SRD5A2: variants seen among roughly 807,000 people sequenced by gnomAD.
SRD5A2 encodes the protein 3-oxo-5-alpha-steroid 4-dehydrogenase 2.
A neutral mutation model predicts 27.4 loss-of-function variants in SRD5A2; 30 were observed. The ratio of observed to expected loss-of-function variants is 1.10; its 90% CI spans 0.82 to 1.49. SRD5A2 has a LOEUF of 1.49. Ranked by LOEUF, SRD5A2 falls within the 40% of genes most tolerant of loss-of-function variation. SRD5A2 has a pLI of 0.00. For missense variants in SRD5A2, 348 were observed against 323.4 expected, an observed-to-expected ratio of 1.08 and a Z score of -0.58; for synonymous variants, 141 against 133.6, an observed-to-expected ratio of 1.06 and a Z score of -0.38.
At chr2:31,646,997 T>C in the SRD5A2 span, among the ~76,000 whole-genome samples, 1 of 151,858 alleles carries the variant, frequency 6.6e-6, no homozygotes, top group Non-Finnish European at 1.5e-5. Flanking sequence ...ATACAAAAAT[T>C]AGTGAGACGT....
upstream of SRD5A2, among the ~76,000 whole-genome samples, chr2:31,585,680 G>A (rs1286501489): frequency 6.6e-6 from 1 of 152,172 alleles, no homozygotes; most frequent in African/African-American, 2.4e-5. Flanking sequence ...AAGGGCCTTG[G>A]GTGAGCCTCT....
chr2:31,580,973 C>G, upstream of SRD5A2: 1 of 1,467,774 alleles, frequency 6.8e-7, no homozygotes, highest in Non-Finnish European at 9.1e-7. Flanking sequence ...CTTTATGGAG[C>G]GCCAGACGCC....
At chr2:31,528,550 T>C (rs1665830240) in intron 4 of SRD5A2, among the ~76,000 whole-genome samples, 1 of 152,120 alleles carries the variant, frequency 6.6e-6, no homozygotes, top group Non-Finnish European at 1.5e-5. Flanking sequence ...GGCAGATCAC[T>C]TGAGGTCAGG....
rs1434209631 is a variant in SRD5A2, at chr2:31,526,172, C to T, written c.*24G>A. 1 of 1,500,066 alleles carries T rather than the reference C, an allele frequency of 6.7e-7. No homozygotes were observed. 92.9% of individuals were successfully genotyped at this position (1,500,066 alleles called of 1,614,324 possible). On this transcript the variant is annotated 3_prime_UTR_variant, in exon 5 of 5. Coordinates refer to ENST00000622030, the MANE Select transcript of SRD5A2 (RefSeq NM_000348.4). ...AGTTTTCATCAGCATTGTGGGAGCT[C>T]TGCTCCTTTTTAATTTGGTTCCTTT... is the stretch of plus-strand genomic sequence containing the variant.
At chr2:31,549,118 A>ATTATTG (rs1553325838) in intron 1 of SRD5A2, among the ~76,000 whole-genome samples, 40 of 145,664 alleles carry the variant, frequency 2.7e-4, no homozygotes, top group Non-Finnish European at 5.8e-4. Flanking sequence ...TATTATTATT[A>ATTATTG]TTATTATTAT....
Position 31,529,465 on chromosome 2 carries a change from C to G in SRD5A2, c.548-8G>C, listed in dbSNP as rs778464937. On this transcript the variant is annotated splice_polypyrimidine_tract_variant and splice_region_variant and intron_variant, in intron 3 of 4. Transcript: ENST00000622030. ...CATACGTAAACAAGCCACCTGCGTGCAGAAGAATCGGAAGGTCAATCATTG... is the reference window on the plus strand; with the variant it reads ...CATACGTAAACAAGCCACCTGCGTGGAGAAGAATCGGAAGGTCAATCATTG... 6.2e-6 allele frequency: 10 copies of G among 1,611,004 alleles called. No individual in the cohort carries two copies. The East Asian group carries it at 1.6e-4, about 25-fold the overall frequency.
chr2:31,550,609 C>G (rs193181866), intron 1 of SRD5A2, among the ~76,000 whole-genome samples: 7 of 151,698 alleles, frequency 4.6e-5, no homozygotes, highest in African/African-American at 1.7e-4. Context: ...TTGATGTAAC[C>G]CACCTTATTA....
At chr2:31,585,259 T>C (rs1266186857), upstream of SRD5A2, among the ~76,000 whole-genome samples, 1 of 152,132 alleles carries the variant, frequency 6.6e-6, no homozygotes, top group Admixed American at 6.5e-5. Context: ...CAAGTCCTAG[T>C]ACTGAACTAG....
At chr2:31,557,497 G>A (rs757910066) in intron 1 of SRD5A2, among the ~76,000 whole-genome samples, 2 of 152,162 alleles carry the variant, frequency 1.3e-5, no homozygotes, top group African/African-American at 2.4e-5. Context: ...TGGTCTGGTT[G>A]ATCAATTTTT....
chr2:31,633,478 C>T, the SRD5A2 span, among the ~76,000 whole-genome samples: 1 of 152,182 alleles, frequency 6.6e-6, no homozygotes, highest in Non-Finnish European at 1.5e-5. Context: ...AACCTCCTTG[C>T]TAAGTTTGTC....
At position 31,523,928 on chromosome 2, in the gene SRD5A2, G is replaced by A. The variant is rs937321349; in HGVS notation, c.*2268C>T. 9.2e-6 allele frequency: 2 copies of A among 217,900 alleles called. No homozygotes were observed. Among genetic ancestry groups the A allele is most frequent in the Admixed American group, 5.8e-5 (1 of 17,256 alleles). 13.5% of individuals were successfully genotyped at this position (217,900 alleles called of 1,614,324 possible). The stretch of plus-strand genomic sequence containing the variant: ...AGGTTTCAGCTTTCATAGAGTTCAC[G>A]CTACTCTACCCTATATTCAGATTAA... On this transcript the variant is annotated 3_prime_UTR_variant, in exon 5 of 5. Coordinates refer to ENST00000622030, the MANE Select transcript of SRD5A2 (RefSeq NM_000348.4).
the SRD5A2 span, among the ~76,000 whole-genome samples, chr2:31,641,812 G>T: frequency 2.0e-5 from 3 of 152,050 alleles, no homozygotes; most frequent in Non-Finnish European, 4.4e-5. Context: ...ACTCAACATT[G>T]TTAAAATATC....
the SRD5A2 span, among the ~76,000 whole-genome samples, chr2:31,604,070 A>T: frequency 6.6e-6 from 1 of 151,970 alleles, no homozygotes; most frequent in South Asian, 2.1e-4. Flanking sequence ...GGAAATTTTT[A>T]AAAAGTCAAT....
At chr2:31,615,154 A>G in the SRD5A2 span, among the ~76,000 whole-genome samples, 2 of 152,230 alleles carry the variant, frequency 1.3e-5, no homozygotes, top group South Asian at 4.1e-4. Flanking sequence ...TATCAGTAGC[A>G]TGAGAACAGA....
the SRD5A2 span, among the ~76,000 whole-genome samples, chr2:31,639,677 T>C: frequency 1.3e-5 from 2 of 152,136 alleles, no homozygotes; most frequent in South Asian, 4.2e-4. Context: ...TTCCACTCCC[T>C]CCTGGCCTGT....
intron 2 of SRD5A2, among the ~76,000 whole-genome samples, chr2:31,532,067 C>T (rs1333188878): frequency 6.6e-6 from 1 of 152,100 alleles, no homozygotes; most frequent in African/African-American, 2.4e-5. Flanking sequence ...CCTTGAGCTA[C>T]AGTCAACATC....
At chr2:31,650,886 A>G in the SRD5A2 span, among the ~76,000 whole-genome samples, 12 of 152,242 alleles carry the variant, frequency 7.9e-5, no homozygotes, top group South Asian at 2.5e-3. Flanking sequence ...TAGCAATGTC[A>G]TGGGAGCTCT....
chr2:31,637,384 T>C, the SRD5A2 span, among the ~76,000 whole-genome samples: 1 of 152,028 alleles, frequency 6.6e-6, no homozygotes, highest in African/African-American at 2.4e-5. Context: ...AAACAGGTTG[T>C]AGCAAAGAAG....
chr2:31,529,803 G>T (rs1665865451), intron 3 of SRD5A2, among the ~76,000 whole-genome samples: 1 of 152,082 alleles, frequency 6.6e-6, no homozygotes, highest in Non-Finnish European at 1.5e-5. Flanking sequence ...AGGTTTTTGG[G>T]CCACCTCTTA....
Sources: gnomAD v4.1 joint callset for allele counts (sites outside exome capture counted in the v4.1 genomes callset) on GRCh38, gnomAD v4.1.1 for gene constraint, MANE v1.5 for transcripts, NCBI Gene and HGNC (gene_info 2026-07-23, HGNC 2026-07-21) for gene names.